SLC30A6: variants seen among roughly 807,000 people sequenced by gnomAD.
SLC30A6 encodes zinc transporter 6.
In SLC30A6, 55 loss-of-function variants were observed where a neutral mutation model predicts 63.0. The ratio of observed to expected loss-of-function variants is 0.87; its 90% CI spans 0.70 to 1.09. The LOEUF is 1.09. Ranked by LOEUF, SLC30A6 falls within the 50% of genes least tolerant of loss-of-function variation. SLC30A6 has a pLI of 0.00. For missense variants in SLC30A6, 587 were observed against 549.2 expected, an observed-to-expected ratio of 1.07 and a Z score of -0.69; for synonymous variants, 224 against 186.1, an observed-to-expected ratio of 1.20 and a Z score of -1.66.
chr2:32,189,781 A>T (rs1683166528), intron 5 of SLC30A6, among the ~76,000 whole-genome samples: 1 of 150,308 alleles, frequency 6.7e-6, no homozygotes, highest in African/African-American at 2.5e-5. Flanking sequence ...GCTAATTTTT[A>T]AAATATTTTT....
intron 13 of SLC30A6, among the ~76,000 whole-genome samples, chr2:32,210,646 A>G (rs921237179): frequency 3.9e-5 from 6 of 152,172 alleles, no homozygotes; most frequent in South Asian, 2.1e-4. Flanking sequence ...TATCATTAAA[A>G]AAAACAGATA....
intron 6 of SLC30A6, among the ~76,000 whole-genome samples, chr2:32,192,708 A>G (rs1220959557): frequency 6.6e-6 from 1 of 152,200 alleles, no homozygotes; most frequent in East Asian, 1.9e-4. Context: ...GCAGAGAAAG[A>G]TAGACATTAC....
At chr2:32,203,820 T>G (rs1234151318) in intron 10 of SLC30A6, 1 of 1,441,594 alleles carries the variant, frequency 6.9e-7, no homozygotes, top group Non-Finnish European at 9.8e-7. Context: ...ACACATCTTC[T>G]AATTCCAGAC....
At chr2:32,190,180 C>T (rs1048918575) in intron 5 of SLC30A6, among the ~76,000 whole-genome samples, 8 of 151,900 alleles carry the variant, frequency 5.3e-5, no homozygotes, top group African/African-American at 1.9e-4. Context: ...AATTTTAGGC[C>T]GGGCGCGGTG....
chr2:32,224,192 C>T lies in SLC30A6; in HGVS notation c.*3479C>T, dbSNP rs6757121. ...ATTTATTGAGAATATTGTTGAGAATCTCTTACATGCCAGGCACTATACTAA... is the reference window on the plus strand; with the variant it reads ...ATTTATTGAGAATATTGTTGAGAATTTCTTACATGCCAGGCACTATACTAA... On this transcript the variant is annotated 3_prime_UTR_variant, in exon 14 of 14. Transcript: ENST00000282587. The T allele has an allele frequency of 0.1, 27,969 of 277,754 alleles. 1,586 individuals carry two copies. The highest frequency in any genetic ancestry group is 0.17 in the Middle Eastern group (156 of 906). 17.2% of individuals were successfully genotyped at this position (277,754 alleles called of 1,614,324 possible).
chr2:32,190,297 A>G (rs1049423541), intron 5 of SLC30A6, among the ~76,000 whole-genome samples: 2 of 151,958 alleles, frequency 1.3e-5, no homozygotes, highest in Non-Finnish European at 2.9e-5. Flanking sequence ...CATCTCTACT[A>G]AAAATACTAA....
Position 32,219,754 on chromosome 2 carries a change from G to C in SLC30A6, c.886-459G>C, listed in dbSNP as rs117569127. On this transcript the variant is annotated intron_variant, in intron 13 of 13. Transcript: ENST00000282587. ...CCCGGCCAGGACTTCTTTATATATT[G>C]GTATTATTGCTTATTCTTACCAAGT... Among the ~76,000 whole-genome samples, 18 of 152,116 alleles carry C rather than the reference G, an allele frequency of 1.2e-4. No individual in the cohort carries two copies. The East Asian group carries it at 3.3e-3, about 28-fold the overall frequency.
At chr2:32,214,755 G>T (rs1282789709) in intron 13 of SLC30A6, among the ~76,000 whole-genome samples, 1 of 152,188 alleles carries the variant, frequency 6.6e-6, no homozygotes, top group Non-Finnish European at 1.5e-5. Context: ...CGCATGCACT[G>T]TAATTATAGG....
intron 10 of SLC30A6, among the ~76,000 whole-genome samples, chr2:32,204,219 T>C (rs212761): frequency 0.72 from 109,381 of 151,334 alleles, 39,759 homozygotes; most frequent in African/African-American, 0.79. Flanking sequence ...TGTCTCTTTT[T>C]AAAAAAAAAT....
intron 5 of SLC30A6, among the ~76,000 whole-genome samples, chr2:32,190,307 A>C (rs908653810): frequency 2.0e-5 from 3 of 151,962 alleles, no homozygotes; most frequent in Admixed American, 2.0e-4. Flanking sequence ...AAAAATACTA[A>C]AATTAGCCAC....
chr2:32,185,232 A>G (rs766227472), intron 5 of SLC30A6, among the ~76,000 whole-genome samples: 5 of 152,092 alleles, frequency 3.3e-5, no homozygotes, highest in Non-Finnish European at 5.9e-5. Context: ...ATGGTGGTGT[A>G]CACCTGTGGT....
At chr2:32,166,967 T>G (rs1680720572) in intron 1 of SLC30A6, among the ~76,000 whole-genome samples, 1 of 152,116 alleles carries the variant, frequency 6.6e-6, no homozygotes, top group African/African-American at 2.4e-5. Flanking sequence ...ATCACTCCCT[T>G]ACTCAAATTT....
chr2:32,187,843 A>T (rs1682972293), intron 5 of SLC30A6, among the ~76,000 whole-genome samples: 2 of 152,190 alleles, frequency 1.3e-5, no homozygotes, highest in African/African-American at 4.8e-5. Flanking sequence ...TAGCAGATTA[A>T]TTATGTCAAG....
At chr2:32,207,272 G>T (rs1031974356) in intron 12 of SLC30A6, among the ~76,000 whole-genome samples, 3 of 151,230 alleles carry the variant, frequency 2.0e-5, no homozygotes, top group African/African-American at 7.3e-5. Context: ...GTGCAGTGGC[G>T]CAATCTCAGC....
At position 32,215,688 on chromosome 2, in the gene SLC30A6, T is replaced by A. The variant is rs1041837727; in HGVS notation, c.886-4525T>A. ...TCTCTGTTCTTCTGTTTTTTATTTT[T>A]CTTTATTTATATCTTATTTTATTTT... On this transcript the variant is annotated intron_variant, in intron 13 of 13. Transcript: ENST00000282587. Among the ~76,000 whole-genome samples the A allele has an allele frequency of 2.0e-5, 3 of 151,666 alleles. No individual in the cohort carries two copies. In the South Asian group the frequency reaches 6.2e-4, roughly 31 times the overall value.
At chr2:32,183,455 G>A (rs549184610) in intron 4 of SLC30A6, among the ~76,000 whole-genome samples, 1 of 152,112 alleles carries the variant, frequency 6.6e-6, no homozygotes, top group Non-Finnish European at 1.5e-5. Context: ...GCCAAGGCAG[G>A]TGGATCACTT....
At chr2:32,202,758 C>A in intron 10 of SLC30A6, 2 of 710,602 alleles carry the variant, frequency 2.8e-6, no homozygotes, top group Non-Finnish European at 5.2e-6. Context: ...TGAAGACAGT[C>A]CTCAGACTTT....
intron 4 of SLC30A6, among the ~76,000 whole-genome samples, chr2:32,181,085 G>A (rs1036098084): frequency 6.6e-6 from 1 of 152,134 alleles, no homozygotes; most frequent in South Asian, 2.1e-4. Context: ...AAGAGGTGTA[G>A]AAATATATTT....
chr2:32,174,141 AGTATAG>A lies in SLC30A6; in HGVS notation c.174_175+4del. ...GCTTATGTGGTGCAGTTCTACTAAT[AGTATAG>A]GTATGTCACCTTTGTATTTTTATGG... On this transcript the variant is annotated inframe_deletion and splice_region_variant, in exon 3 of 14. Transcript: ENST00000282587. 1 of 1,610,098 alleles carries A rather than the reference AGTATAG, an allele frequency of 6.2e-7. No individual in the cohort carries two copies. Among genetic ancestry groups the A allele is most frequent in the South Asian group, 1.1e-5 (1 of 90,204 alleles).
Sources: gnomAD v4.1 joint callset for allele counts (sites outside exome capture counted in the v4.1 genomes callset) on GRCh38, gnomAD v4.1.1 for gene constraint, MANE v1.5 for transcripts, NCBI Gene and HGNC (gene_info 2026-07-23, HGNC 2026-07-21) for gene names.